Variants in CCDC7 observed in about 807,000 individuals in gnomAD.
CCDC7 encodes coiled-coil domain-containing protein 7.
A neutral mutation model predicts 196.9 loss-of-function variants in CCDC7; 183 were observed. That is an observed-to-expected ratio of 0.93 (90% CI 0.82 to 1.05). The LOEUF (loss-of-function observed/expected upper bound fraction) is 1.05, where lower values mean the gene tolerates loss of function less well. Ranked by LOEUF, CCDC7 falls within the 50% of genes least tolerant of loss-of-function variation. CCDC7 has a pLI of 0.00. For missense variants in CCDC7, 1,540 were observed against 1,482.2 expected, an observed-to-expected ratio of 1.04 and a Z score of -0.64; for synonymous variants, 525 against 484.6, an observed-to-expected ratio of 1.08 and a Z score of -1.10.
At chr10:32,738,082 C>T (rs1433325908) in intron 28 of CCDC7, among the ~76,000 whole-genome samples, 5 of 152,082 alleles carry the variant, frequency 3.3e-5, no homozygotes, top group Admixed American at 6.6e-5. Flanking sequence ...CTTTATTGTC[C>T]TAGTTCTTTG....
At chr10:32,567,697 A>T (rs964699148) in exon 15 of CCDC7, 13 of 1,612,752 alleles carry the variant, frequency 8.1e-6, no homozygotes, top group Non-Finnish European at 1.1e-5. Flanking sequence ...GCATCAACTT[A>T]ACTATTTCCT....
intron 13 of CCDC7, among the ~76,000 whole-genome samples, chr10:32,545,138 A>G (rs1198532542): frequency 6.6e-6 from 1 of 152,156 alleles, no homozygotes; most frequent in Non-Finnish European, 1.5e-5. Context: ...GATATCTTCC[A>G]TCTCCTTATG....
intron 22 of CCDC7, among the ~76,000 whole-genome samples, chr10:32,882,225 T>C (rs898631473): frequency 6.6e-6 from 1 of 152,176 alleles, no homozygotes; most frequent in East Asian, 1.9e-4. Flanking sequence ...AGATGGAAAA[T>C]TGTTAAGAGG....
In CCDC7 at chr10:32,503,068, A is replaced by G. The variant is rs549519722; in HGVS notation, c.872+11071A>G. Reference sequence around the variant, plus strand: ...TTTGGGGACATCTTTAGAGTTTTCTATATAGGAAAGTATATCATCTGGAAA... The same window carrying G: ...TTTGGGGACATCTTTAGAGTTTTCTGTATAGGAAAGTATATCATCTGGAAA... On this transcript the variant is annotated intron_variant, in intron 9 of 41. Coordinates refer to ENST00000639629, the Ensembl canonical transcript of CCDC7. Among the ~76,000 whole-genome samples, 5 of 152,272 alleles carry G rather than the reference A, an allele frequency of 3.3e-5. No homozygotes were observed. The East Asian group carries it at 7.7e-4, about 23-fold the overall frequency.
intron 41 of CCDC7, among the ~76,000 whole-genome samples, chr10:32,871,456 T>G (rs1348964668): frequency 6.6e-6 from 1 of 151,668 alleles, no homozygotes; most frequent in Admixed American, 6.6e-5. Flanking sequence ...ATCCCCTTTA[T>G]CATTTTTTAT....
chr10:32,821,855 A>T (rs1183733927), intron 31 of CCDC7, among the ~76,000 whole-genome samples: 1 of 152,174 alleles, frequency 6.6e-6, no homozygotes, highest in Non-Finnish European at 1.5e-5. Context: ...GATATACCTA[A>T]TGTTAAATGA....
At chr10:32,686,919 T>G (rs185496285) in intron 22 of CCDC7, among the ~76,000 whole-genome samples, 109 of 152,338 alleles carry the variant, frequency 7.2e-4, no homozygotes, top group African/African-American at 2.5e-3. Context: ...AACAGAACTG[T>G]TTCCAGATCA....
intron 13 of CCDC7, among the ~76,000 whole-genome samples, chr10:32,557,321 C>A (rs117713616): frequency 1.3e-5 from 2 of 149,056 alleles, no homozygotes; most frequent in African/African-American, 4.9e-5. Context: ...CTTTGTTTTA[C>A]GTGAGCATGA....
At chr10:32,669,828 T>G (rs2073695627) in intron 21 of CCDC7, among the ~76,000 whole-genome samples, 1 of 152,204 alleles carries the variant, frequency 6.6e-6, no homozygotes, top group Non-Finnish European at 1.5e-5. Flanking sequence ...TTGTCCATAA[T>G]TCTAATTTAT....
chr10:32,586,039 G>C (rs1004411296), intron 18 of CCDC7, among the ~76,000 whole-genome samples: 1 of 152,028 alleles, frequency 6.6e-6, no homozygotes, highest in Non-Finnish European at 1.5e-5. Context: ...AGCATCTGCC[G>C]CTTCCTGACT....
rs77752087 is a variant in CCDC7 at position 32,603,697 on chromosome 10, T to C, written c.1801+19393T>C. Among the ~76,000 whole-genome samples the C allele has an allele frequency of 7.9e-3, 1,202 of 152,168 alleles. 7 individuals carry two copies. Among genetic ancestry groups the C allele is most frequent in the Middle Eastern group, 0.02 (6 of 294 alleles). On this transcript the variant is annotated intron_variant, in intron 18 of 41. Transcript: ENST00000639629. ...ATTCTGGTCTTGATTTAGATTTCGTTATGATTAATGATGTTGAGCATTTTT... is the reference window on the plus strand; with the variant it reads ...ATTCTGGTCTTGATTTAGATTTCGTCATGATTAATGATGTTGAGCATTTTT...
chr10:32,821,283 A>G, intron 31 of CCDC7, among the ~76,000 whole-genome samples: 1 of 152,156 alleles, frequency 6.6e-6, no homozygotes, highest in Non-Finnish European at 1.5e-5. Context: ...CACCAGTTAG[A>G]ATGGCGATCA....
At chr10:32,799,119 C>T (rs537672774) in intron 29 of CCDC7, among the ~76,000 whole-genome samples, 130 of 152,248 alleles carry the variant, frequency 8.5e-4, no homozygotes, top group Non-Finnish European at 7.2e-4. Context: ...CAGAAAGCAC[C>T]CAGTTCATGA....
intron 11 of CCDC7, among the ~76,000 whole-genome samples, chr10:32,528,689 T>TAC (rs1288634411): frequency 1.7e-5 from 2 of 117,378 alleles, no homozygotes; most frequent in Non-Finnish European, 3.5e-5. Context: ...TGCATATATA[T>TAC]ACACACACAT....
intron 31 of CCDC7, among the ~76,000 whole-genome samples, chr10:32,821,106 A>C (rs2090089658): frequency 6.6e-6 from 1 of 152,258 alleles, no homozygotes; most frequent in Non-Finnish European, 1.5e-5. Context: ...CAATGAACTC[A>C]AACAAATTTA....
In CCDC7 at chr10:32,796,256, C is replaced by A. The variant is rs561000533; in HGVS notation, c.3014-8759C>A. ...GTCATAATATTGATGCTGTATATTT[C>A]TTTATGGCTTTCTGTGGGGGAAAGG... On this transcript the variant is annotated intron_variant, in intron 29 of 41. Coordinates refer to ENST00000639629, the Ensembl canonical transcript of CCDC7. Among the ~76,000 whole-genome samples the A allele has an allele frequency of 5.3e-5, 8 of 152,192 alleles. No homozygotes were observed. In the East Asian group the frequency reaches 1.5e-3, roughly 29 times the overall value.
chr10:32,865,633 T>A (rs961984637), intron 41 of CCDC7, among the ~76,000 whole-genome samples: 2 of 151,786 alleles, frequency 1.3e-5, no homozygotes, highest in Non-Finnish European at 2.9e-5. Context: ...CAATGTTCTG[T>A]TACATAATCA....
At position 32,741,442 on chromosome 10, in the gene CCDC7, GACC is replaced by G. The variant is rs1188589700; in HGVS notation, c.2905+11989_2905+11991del. On this transcript the variant is annotated intron_variant, in intron 28 of 41. Coordinates refer to ENST00000639629, the Ensembl canonical transcript of CCDC7. ...TGGTATACATAGGGATTAGTTCCAGGACCACCCCTTCATACACATATGCCAAAA... is the reference window on the plus strand; with the variant it reads ...TGGTATACATAGGGATTAGTTCCAGGACCCCTTCATACACATATGCCAAAA... Among the ~76,000 whole-genome samples, 3 of 152,214 alleles carry G rather than the reference GACC, an allele frequency of 2.0e-5. No individual in the cohort carries two copies. In the South Asian group the frequency reaches 6.2e-4, roughly 32 times the overall value.
At chr10:32,514,909 CTAA>C in intron 9 of CCDC7, among the ~76,000 whole-genome samples, 1 of 152,320 alleles carries the variant, frequency 6.6e-6, no homozygotes, top group Admixed American at 6.5e-5. Context: ...ACTTCAGCTG[CTAA>C]CTCCTAGGCC....
Sources: gnomAD v4.1 joint callset for allele counts (sites outside exome capture counted in the v4.1 genomes callset) on GRCh38, gnomAD v4.1.1 for gene constraint, MANE v1.5 for transcripts, NCBI Gene and HGNC (gene_info 2026-07-23, HGNC 2026-07-21) for gene names.